Variants in YAE1 observed in about 807,000 individuals in gnomAD.
The protein encoded by YAE1 is YAE1 maturation factor of ABCE1.
In YAE1, 22 loss-of-function variants were observed where a neutral mutation model predicts 23.0. The observed-to-expected ratio is 0.96, with a 90% CI of 0.68 to 1.37. The LOEUF (loss-of-function observed/expected upper bound fraction) is 1.37. Among genes scored for constraint, YAE1 ranks in the 40% most tolerant of loss-of-function variants. YAE1 has a pLI of 0.00. For synonymous variants in YAE1, 101 were observed against 97.0 expected (o/e 1.04, Z -0.24); for missense variants, 260 against 262.1 (o/e 0.99, Z 0.06).
At chr7:39,601,617 G>A (rs756886186) in intron 2 of YAE1, among the ~76,000 whole-genome samples, 3 of 151,860 alleles carry the variant, frequency 2.0e-5, no homozygotes, top group Non-Finnish European at 2.9e-5. Flanking sequence ...AAAATTAGTC[G>A]GGCATGGTGG....
At position 39,570,109 on chromosome 7, in the gene YAE1, G is replaced by A. The variant is rs984859884; in HGVS notation, c.130-397G>A. 80 of 997,188 alleles carry A rather than the reference G, an allele frequency of 8.0e-5. No individual in the cohort carries two copies. In the African/African-American group the frequency reaches 9.9e-4, roughly 12 times the overall value. 61.8% of individuals were successfully genotyped at this position (997,188 alleles called of 1,614,324 possible). A position where few individuals can be genotyped will look rare whatever the true frequency, so the allele number is the denominator to read the frequency against. On this transcript the variant is annotated intron_variant, in intron 1 of 2. Transcript: ENST00000223273. The stretch of plus-strand genomic sequence containing the variant: ...AGTTCTTGTCTGTGATGATGCGTAC[G>A]TTGCTCTGCCGCCTGTGGGTCCAGG...
At chr7:39,607,366 A>T (rs1791145354) in intron 2 of YAE1, among the ~76,000 whole-genome samples, 1 of 152,246 alleles carries the variant, frequency 6.6e-6, no homozygotes, top group African/African-American at 2.4e-5. Context: ...TTATCCTATA[A>T]TCACAAGAAC....
downstream of YAE1, among the ~76,000 whole-genome samples, chr7:39,575,537 G>GGAGAGAGAGAGAGAGAGAGAGAGAGA (rs56954676): frequency 3.0e-5 from 4 of 131,280 alleles, no homozygotes; most frequent in African/African-American, 1.2e-4. Flanking sequence ...CTAAGATACA[G>GGAGAGAGAGAGAGAGAGAGAGAGAGA]GAGAGAGAGA....
intron 2 of YAE1, among the ~76,000 whole-genome samples, chr7:39,607,475 A>G (rs550368301): frequency 6.6e-6 from 1 of 152,316 alleles, no homozygotes; most frequent in East Asian, 1.9e-4. Flanking sequence ...GAAGGAGGCC[A>G]TGAGTCAAGG....
chr7:39,585,452 G>A (rs1277378798), intron 2 of YAE1, among the ~76,000 whole-genome samples: 2 of 152,086 alleles, frequency 1.3e-5, no homozygotes, highest in Non-Finnish European at 2.9e-5. Flanking sequence ...CAGGGAAAGC[G>A]GCCATCTGCA....
intron 1 of YAE1, among the ~76,000 whole-genome samples, chr7:39,569,205 T>G (rs1233474514): frequency 1.3e-5 from 2 of 152,206 alleles, no homozygotes; most frequent in Admixed American, 1.3e-4. Flanking sequence ...TTAAATCATA[T>G]TTCAAACTTA....
At chr7:39,593,341 T>C (rs920856332) in intron 2 of YAE1, among the ~76,000 whole-genome samples, 5 of 151,928 alleles carry the variant, frequency 3.3e-5, no homozygotes, top group Non-Finnish European at 4.4e-5. Context: ...CCTGCCACCA[T>C]GCCCAGCTAA....
At chr7:39,594,948 A>G (rs969130862) in intron 2 of YAE1, among the ~76,000 whole-genome samples, 1 of 152,212 alleles carries the variant, frequency 6.6e-6, no homozygotes, top group African/African-American at 2.4e-5. Context: ...AGACATTTGT[A>G]TCATATTTAT....
chr7:39,581,762 T>G (rs1358250010), intron 2 of YAE1, among the ~76,000 whole-genome samples: 2 of 151,800 alleles, frequency 1.3e-5, no homozygotes, highest in Non-Finnish European at 2.9e-5. Context: ...TCCCAACTAC[T>G]TGGGAAGGCT....
At chr7:39,602,462 CT>C (rs1791067371) in intron 2 of YAE1, among the ~76,000 whole-genome samples, 1 of 152,216 alleles carries the variant, frequency 6.6e-6, no homozygotes, top group African/African-American at 2.4e-5. Flanking sequence ...TGTTGTAGAA[CT>C]CTTTAGCATC....
chr7:39,572,111 G>A (rs749039574), intron 2 of YAE1, among the ~76,000 whole-genome samples, 166 bp from the exon 3 acceptor site: 14 of 152,128 alleles, frequency 9.2e-5, no homozygotes, highest in Non-Finnish European at 1.6e-4. Flanking sequence ...ATAGTCATAA[G>A]AGAAAAATAT....
chr7:39,611,462 G>A (rs1310239852), downstream of YAE1, among the ~76,000 whole-genome samples: 2 of 152,180 alleles, frequency 1.3e-5, no homozygotes, highest in Non-Finnish European at 2.9e-5. Flanking sequence ...GTGAGTGCTG[G>A]GCCGAGGCAG....
At chr7:39,579,672 A>G (rs987690699) in intron 2 of YAE1, among the ~76,000 whole-genome samples, 3 of 151,732 alleles carry the variant, frequency 2.0e-5, no homozygotes, top group Admixed American at 6.6e-5. Context: ...TGTCTCAAAA[A>G]AAAAAAAAAA....
chr7:39,586,598 T>C (rs1480509315), intron 2 of YAE1, among the ~76,000 whole-genome samples: 1 of 141,706 alleles, frequency 7.1e-6, no homozygotes, highest in East Asian at 2.2e-4. Context: ...CCCAGGTTGA[T>C]GCCATTCTCC....
In YAE1 at chr7:39,599,841, G is replaced by A. The variant is rs561581554; in HGVS notation, c.252-9776G>A. Among the ~76,000 whole-genome samples the A allele has an allele frequency of 1.4e-3, 217 of 152,014 alleles. 1 individual carries two copies. Among genetic ancestry groups the A allele is most frequent in the African/African-American group, 4.7e-3 (195 of 41,478 alleles). ...TGACCTCAGGTGATCCACCCACCTC[G>A]GCCTCCCAAAGTGCTGGGATTACAG... On this transcript the variant is annotated intron_variant, in intron 2 of 2. Coordinates refer to the YAE1 transcript ENST00000432096.
chr7:39,583,863 A>G (rs950248082), intron 2 of YAE1, among the ~76,000 whole-genome samples: 1 of 152,002 alleles, frequency 6.6e-6, no homozygotes, highest in Admixed American at 6.6e-5. Flanking sequence ...TGTCAGACCT[A>G]CCTCCTAGGG....
chr7:39,589,068 T>C (rs541516046), intron 2 of YAE1, among the ~76,000 whole-genome samples: 44 of 152,260 alleles, frequency 2.9e-4, no homozygotes, highest in African/African-American at 1.0e-3. Context: ...GCCATCCACC[T>C]GCCTTGACCT....
chr7:39,580,526 C>T (rs951308900), intron 2 of YAE1, among the ~76,000 whole-genome samples: 1 of 150,926 alleles, frequency 6.6e-6, no homozygotes, highest in African/African-American at 2.4e-5. Flanking sequence ...TGCAACTCAC[C>T]ACTGAGAGAG....
At chr7:39,611,614 C>G (rs991543079), downstream of YAE1, among the ~76,000 whole-genome samples, 1 of 152,166 alleles carries the variant, frequency 6.6e-6, no homozygotes, top group Admixed American at 6.5e-5. Flanking sequence ...GTTGGCAAAC[C>G]CCTGCCCAAG....
Sources: allele counts gnomAD v4.1 joint callset (sites outside exome capture counted in the v4.1 genomes callset), GRCh38; gene constraint gnomAD v4.1.1; transcripts MANE v1.5; gene names NCBI Gene and HGNC (gene_info 2026-07-23, HGNC 2026-07-21).